TDRD1: variants seen among roughly 807,000 people sequenced by gnomAD.
The protein encoded by TDRD1 is tudor domain-containing protein 1.
TDRD1 carries 37 observed loss-of-function variants against 140.6 expected under a neutral mutation model. The ratio of observed to expected loss-of-function variants is 0.26; its 90% confidence interval spans 0.20 to 0.35. The LOEUF (loss-of-function observed/expected upper bound fraction) is 0.35. Among genes scored for constraint, TDRD1 ranks in the 10% least tolerant of loss-of-function variants. The pLI is 1.00. For missense variants in TDRD1, 1,243 were observed against 1,393.0 expected (o/e 0.89, Z 1.71); for synonymous variants, 506 against 475.7 (o/e 1.06, Z -0.83).
At chr10:114,203,205 C>A in intron 7 of TDRD1, 29 bp downstream of exon 7, 1 of 1,551,712 alleles carries the variant, frequency 6.4e-7, no homozygotes, top group Non-Finnish European at 8.9e-7. Context: ...TCTCCATAGA[C>A]ACAGATCCAG....
chr10:114,215,609 A>G (rs1474415721), intron 16 of TDRD1, among the ~76,000 whole-genome samples: 1 of 152,174 alleles, frequency 6.6e-6, no homozygotes, highest in Non-Finnish European at 1.5e-5. Context: ...TTTGTCAAAT[A>G]AGGACATTAA....
chr10:114,195,109 A>G (rs1446534183), intron 3 of TDRD1, among the ~76,000 whole-genome samples: 2 of 152,036 alleles, frequency 1.3e-5, no homozygotes, highest in African/African-American at 2.4e-5. Context: ...CTCATGTATT[A>G]TTTAGAAGTA....
In TDRD1 at chr10:114,188,624, C is replaced by A. The variant is rs540250959; in HGVS notation, c.325+468C>A. Among the ~76,000 whole-genome samples, 10 of 152,132 alleles carry A rather than the reference C, an allele frequency of 6.6e-5. No individual in the cohort carries two copies. In the East Asian group the frequency reaches 1.9e-3, roughly 29 times the overall value. ...CTGTAATCCTAGCACTTTGGGAGGCCGAGGTGGGCAGATCACGAGGTCAGG... is the reference window on the plus strand; with the variant it reads ...CTGTAATCCTAGCACTTTGGGAGGCAGAGGTGGGCAGATCACGAGGTCAGG... On this transcript the variant is annotated intron_variant, in intron 2 of 25. Coordinates refer to ENST00000251864, the Ensembl canonical transcript of TDRD1.
chr10:114,208,698 T>TTTACTTAACTACTTCTTAGTAG (rs1021553428), intron 11 of TDRD1, among the ~76,000 whole-genome samples: 10 of 152,290 alleles, frequency 6.6e-5, no homozygotes, highest in East Asian at 5.8e-4. Context: ...ACTGTGGCCT[T>TTTACTTAACTACTTCTTAGTAG]TTACTTAACT....
At chr10:114,177,936 G>A (rs111932518), upstream of TDRD1, among the ~76,000 whole-genome samples, 3,897 of 151,172 alleles carry the variant, frequency 0.026, 76 homozygotes, top group South Asian at 0.055. Flanking sequence ...GGGTGCAGGC[G>A]ATTCTCCTGC....
chr10:114,183,383 C>A (rs1049073854), intron 1 of TDRD1, among the ~76,000 whole-genome samples: 1 of 152,140 alleles, frequency 6.6e-6, no homozygotes, highest in African/African-American at 2.4e-5. Context: ...TTAGATGATA[C>A]TTCAGTCTTA....
At chr10:114,195,810 TG>T in intron 3 of TDRD1, among the ~76,000 whole-genome samples, 1 of 152,354 alleles carries the variant, frequency 6.6e-6, no homozygotes, top group East Asian at 1.9e-4. Flanking sequence ...TTATGCCATT[TG>T]TTTTCTGTTC....
At chr10:114,176,184 A>G (rs111397884), upstream of TDRD1, among the ~76,000 whole-genome samples, 25 of 152,248 alleles carry the variant, frequency 1.6e-4, no homozygotes, top group Admixed American at 1.2e-3. The surrounding 1 kb of genome is among the most constrained non-coding windows in gnomAD (Gnocchi z 4.2). Context: ...TATCCTCCAA[A>G]GTGAAACAAC....
intron 23 of TDRD1, among the ~76,000 whole-genome samples, 162 bp downstream of exon 23, chr10:114,227,461 C>T (rs1367225574): frequency 6.6e-6 from 1 of 152,190 alleles, no homozygotes; most frequent in Non-Finnish European, 1.5e-5. Context: ...CCTGGGAGGG[C>T]CGCCTTGATG....
chr10:114,182,604 C>A (rs192617994), intron 1 of TDRD1, among the ~76,000 whole-genome samples: 19 of 152,248 alleles, frequency 1.2e-4, no homozygotes, highest in Admixed American at 1.0e-3. Context: ...GATGTCATTT[C>A]GGACAGCAGG....
chr10:114,220,570 A>G, exon 19 of TDRD1: 1 of 1,608,836 alleles, frequency 6.2e-7, no homozygotes, highest in Non-Finnish European at 8.5e-7. Flanking sequence ...TTTTCTAGAT[A>G]TACAGTCTAG....
chr10:114,205,588 C>A (rs535605884), intron 10 of TDRD1, among the ~76,000 whole-genome samples: 5 of 152,270 alleles, frequency 3.3e-5, no homozygotes, highest in Admixed American at 2.6e-4. Context: ...TTCCCACAAA[C>A]AGTAGTCATT....
intron 22 of TDRD1, 69 bp from the exon 23 acceptor site, chr10:114,227,003 C>A: frequency 1.2e-6 from 1 of 836,474 alleles, no homozygotes; most frequent in South Asian, 1.8e-5. Context: ...GCTTATTATT[C>A]TTAGATAATT....
chr10:114,196,831 G>GTATT, intron 3 of TDRD1, among the ~76,000 whole-genome samples: 1 of 57,154 alleles, frequency 1.7e-5, no homozygotes, highest in African/African-American at 1.1e-4. Flanking sequence ...GTTTCTAGCA[G>GTATT]TCTTTTTTTT....
chr10:114,201,655 G>T, intron 5 of TDRD1, 140 bp downstream of exon 5: 1 of 617,008 alleles, frequency 1.6e-6, no homozygotes. Flanking sequence ...CAAATCTGAA[G>T]TGAACAGCTC....
At chr10:114,206,096 C>A (rs776187061) in intron 10 of TDRD1, 148 bp from the exon 11 acceptor site, 4 of 603,346 alleles carry the variant, frequency 6.6e-6, no homozygotes, top group Non-Finnish European at 1.2e-5. Context: ...CATAGCTTAC[C>A]CATAGGAACT....
intron 9 of TDRD1, 27 bp from the exon 10 acceptor site, chr10:114,204,695 G>A: frequency 6.4e-7 from 1 of 1,562,602 alleles, no homozygotes. Context: ...GGTAATTTTT[G>A]TAAGTAACCT....
chr10:114,222,817 G>T, intron 21 of TDRD1, 114 bp downstream of exon 21: 1 of 596,322 alleles, frequency 1.7e-6, no homozygotes, highest in Non-Finnish European at 3.0e-6. Context: ...TTTAGGGAGA[G>T]AAATTAAGGA....
At chr10:114,196,523 T>C (rs1480445637) in intron 3 of TDRD1, among the ~76,000 whole-genome samples, 1 of 152,208 alleles carries the variant, frequency 6.6e-6, no homozygotes, top group Non-Finnish European at 1.5e-5. Flanking sequence ...TAAAGATACC[T>C]TACTGCCATG....
Sources: gnomAD v4.1 joint callset for allele counts (sites outside exome capture counted in the v4.1 genomes callset) on GRCh38, gnomAD v4.1.1 for gene constraint, Gnocchi (gnomAD v3.1) non-coding constraint, MANE v1.5 for transcripts, NCBI Gene and HGNC (gene_info 2026-07-23, HGNC 2026-07-21) for gene names.